SPINK5: variants seen among roughly 807,000 people sequenced by gnomAD.
The protein encoded by SPINK5 is serine peptidase inhibitor Kazal type 5, also known as serine protease inhibitor Kazal-type 5.
A neutral mutation model predicts 151.8 loss-of-function variants in SPINK5; 125 were observed. The observed-to-expected ratio is 0.82, with a 90% CI of 0.71 to 0.96. The LOEUF is 0.96. Among genes scored for constraint, SPINK5 ranks in the 40% least tolerant of loss-of-function variants. The probability of loss-of-function intolerance (pLI) is 0.00; values close to 1 mark genes in which losing one functional copy is unlikely to be tolerated. For synonymous variants in SPINK5, 374 were observed against 395.3 expected, an observed-to-expected ratio of 0.95 and a Z score of 0.64; for missense variants, 1,194 against 1,291.9, an observed-to-expected ratio of 0.92 and a Z score of 1.16.
intron 26 of SPINK5, among the ~76,000 whole-genome samples, chr5:148,121,168 GGAAAA>G (rs1561702237): frequency 9.4e-6 from 1 of 106,926 alleles, no homozygotes; most frequent in Non-Finnish European, 2.0e-5. Context: ...AAAAAAAAAA[GGAAAA>G]GAAAAAGAAG....
chr5:148,078,634 C>A (rs115217507), intron 4 of SPINK5, among the ~76,000 whole-genome samples: 4,403 of 150,114 alleles, frequency 0.029, 101 homozygotes, highest in South Asian at 0.093. Flanking sequence ...GAAAATGAAT[C>A]GTGAAAATCC....
chr5:148,093,220 T>C (rs1753360122), intron 8 of SPINK5, among the ~76,000 whole-genome samples: 1 of 151,988 alleles, frequency 6.6e-6, no homozygotes, highest in Non-Finnish European at 1.5e-5. Flanking sequence ...CTAGAGTAGC[T>C]TAGAGTATCA....
In SPINK5 at chr5:148,095,882, A is replaced by G; in HGVS notation, c.859A>G (p.Thr287Ala). Residue 287 changes from threonine (T) to alanine (A), a missense_variant, in exon 10 of 33, where the codon ACT (threonine) becomes GCT (alanine). Transcript: ENST00000256084. ...AAATTTGGGAAAAGCTGAAGAAAAA[A>G]CTAAAGTTAAAAGAGAAATTGTGGT... ...DQNLGKAEEK[T>A]KVKREIVKLC... 6.2e-7 allele frequency: 1 copy of G among 1,612,282 alleles called. No homozygotes were observed. The highest frequency in any genetic ancestry group is 1.7e-4 in the Middle Eastern group (1 of 6,024).
At chr5:148,131,640 A>G (rs780807982) in intron 31 of SPINK5, among the ~76,000 whole-genome samples, 1 of 152,214 alleles carries the variant, frequency 6.6e-6, no homozygotes, top group Non-Finnish European at 1.5e-5. Context: ...AAGAAAAAAA[A>G]TAGTGGAGTT....
chr5:148,133,154 T>C (rs993188716), intron 31 of SPINK5, among the ~76,000 whole-genome samples: 2 of 152,168 alleles, frequency 1.3e-5, no homozygotes, highest in Non-Finnish European at 2.9e-5. Context: ...TGGGAGTAGA[T>C]ATTATAAAGA....
intron 32 of SPINK5, among the ~76,000 whole-genome samples, chr5:148,135,178 C>G (rs972927015): frequency 1.3e-5 from 2 of 152,136 alleles, no homozygotes; most frequent in Admixed American, 1.3e-4. Flanking sequence ...TAACTCTAGT[C>G]CCTATATTGT....
chr5:148,070,488 G>A (rs1752710008), intron 3 of SPINK5, 38 bp downstream of exon 3: 6 of 1,609,750 alleles, frequency 3.7e-6, no homozygotes, highest in Non-Finnish European at 3.4e-6. Flanking sequence ...CAATGTTTGA[G>A]TTAACAGCTA....
At chr5:148,066,199 A>G (rs536144518) in intron 2 of SPINK5, among the ~76,000 whole-genome samples, 1 of 152,286 alleles carries the variant, frequency 6.6e-6, no homozygotes, top group South Asian at 2.1e-4. Flanking sequence ...AAGGTGCTTT[A>G]CCAACTCTTA....
intron 10 of SPINK5, among the ~76,000 whole-genome samples, chr5:148,097,286 TCAAAG>T (rs1753495919): frequency 6.6e-6 from 1 of 152,052 alleles, no homozygotes; most frequent in African/African-American, 2.4e-5. Flanking sequence ...CAAATTCCTT[TCAAAG>T]TTTAGTGGTC....
chr5:148,065,304 AT>A, intron 1 of SPINK5, 42 bp from the exon 2 acceptor site: 1 of 1,599,712 alleles, frequency 6.3e-7, no homozygotes, highest in Non-Finnish European at 8.5e-7. Flanking sequence ...TTTATTAAAT[AT>A]TTTACATTTC....
intron 13 of SPINK5, among the ~76,000 whole-genome samples, chr5:148,101,149 G>A (rs762219806): frequency 3.9e-5 from 6 of 151,994 alleles, no homozygotes; most frequent in Admixed American, 6.6e-5. Context: ...TATGCATTCC[G>A]TCTGTCAGTT....
At chr5:148,078,782 A>T (rs1752948955) in intron 4 of SPINK5, among the ~76,000 whole-genome samples, 3 of 150,976 alleles carry the variant, frequency 2.0e-5, no homozygotes, top group Middle Eastern at 3.4e-3. Context: ...ACTTGTCTAA[A>T]GCACTTTCTA....
intron 3 of SPINK5, among the ~76,000 whole-genome samples, chr5:148,071,079 C>T (rs780557034): frequency 2.0e-5 from 3 of 152,106 alleles, no homozygotes; most frequent in Admixed American, 6.6e-5. Context: ...TCTCCATTGT[C>T]ACCCCAAAGG....
intron 8 of SPINK5, 85 bp from the exon 9 acceptor site, chr5:148,094,269 T>A: frequency 6.9e-7 from 1 of 1,454,430 alleles, no homozygotes; most frequent in East Asian, 2.4e-5. Context: ...CAATCCACCC[T>A]GCGCAATGCA....
At chr5:148,064,161 C>G in intron 1 of SPINK5, 62 bp downstream of exon 1, 1 of 1,591,614 alleles carries the variant, frequency 6.3e-7, no homozygotes, top group Non-Finnish European at 8.6e-7. Context: ...GGGGAAGGGA[C>G]TTTTCTCCCC....
intron 2 of SPINK5, among the ~76,000 whole-genome samples, chr5:148,067,551 G>A (rs1752617888): frequency 6.6e-6 from 1 of 152,034 alleles, no homozygotes; most frequent in Non-Finnish European, 1.5e-5. Context: ...CCATTTTTAT[G>A]GTCTTTTCCT....
chr5:148,118,490 T>G lies in SPINK5; in HGVS notation c.2166T>G (p.Thr722=), dbSNP rs1043351325. The change falls in exon 23 of 33, where the codon ACT becomes ACG. Residue 722 remains threonine (T), a synonymous_variant. Transcript: ENST00000256084. ...TGAAAAATGGAAGACTCAGCTGTAC[T>G]CGGGAGAGTGATCCTGTACGTGATG... ...EQMKNGRLSC[T]RESDPVRDAD... The G allele has an allele frequency of 6.2e-7, 1 of 1,614,034 alleles. No homozygotes were observed. Among genetic ancestry groups the G allele is most frequent in the African/African-American group, 1.3e-5 (1 of 74,920 alleles).
chr5:148,125,249 C>T (rs953467071), intron 28 of SPINK5, among the ~76,000 whole-genome samples: 1 of 152,184 alleles, frequency 6.6e-6, no homozygotes, highest in African/African-American at 2.4e-5. Context: ...AGCTTCCCTT[C>T]TGTTTTCACC....
intron 4 of SPINK5, among the ~76,000 whole-genome samples, chr5:148,075,146 A>G (rs1199701442): frequency 2.0e-5 from 3 of 151,652 alleles, no homozygotes; most frequent in East Asian, 1.9e-4. Flanking sequence ...TGAACATCAA[A>G]TAATCCCCTT....
Sources: allele counts gnomAD v4.1 joint callset (sites outside exome capture counted in the v4.1 genomes callset), GRCh38; gene constraint gnomAD v4.1.1; transcripts MANE v1.5; gene names NCBI Gene and HGNC (gene_info 2026-07-23, HGNC 2026-07-21).